CDC42SE2: variants seen among roughly 807,000 people sequenced by gnomAD.
CDC42SE2 encodes the protein CDC42 small effector 2, also known as CDC42 small effector protein 2.
Under a neutral mutation model 11.5 loss-of-function variants are expected in CDC42SE2, and 3 were observed. That is an observed-to-expected ratio of 0.26 (90% CI 0.12 to 0.67). The LOEUF is 0.67. CDC42SE2 is among the 30% of genes least tolerant of loss of function. The probability of loss-of-function intolerance (pLI) is 0.80; values close to 1 mark genes in which losing one functional copy is unlikely to be tolerated. For missense variants in CDC42SE2, 82 were observed against 106.8 expected, an observed-to-expected ratio of 0.77 and a Z score of 1.02; for synonymous variants, 33 against 34.8, an observed-to-expected ratio of 0.95 and a Z score of 0.18.
At chr5:131,291,776 A>G (rs912269213) in intron 1 of CDC42SE2, among the ~76,000 whole-genome samples, 2 of 152,144 alleles carry the variant, frequency 1.3e-5, no homozygotes, top group Admixed American at 6.5e-5. Flanking sequence ...TGATATAACA[A>G]ACACCACCCG....
chr5:131,338,540 C>T (rs574052421), intron 2 of CDC42SE2, among the ~76,000 whole-genome samples: 5 of 152,146 alleles, frequency 3.3e-5, no homozygotes, highest in Admixed American at 3.3e-4. Context: ...GAGCCCCATC[C>T]TGTTGGCAAA....
intron 1 of CDC42SE2, among the ~76,000 whole-genome samples, chr5:131,287,643 T>G (rs542581727): frequency 3.7e-4 from 56 of 151,902 alleles, no homozygotes; most frequent in African/African-American, 1.2e-3. Flanking sequence ...TTCTTTTTTT[T>G]TGCATTTTTT....
At chr5:131,376,636 C>T (rs909875494) in intron 3 of CDC42SE2, among the ~76,000 whole-genome samples, 2 of 151,968 alleles carry the variant, frequency 1.3e-5, no homozygotes, top group African/African-American at 4.8e-5. Context: ...GTTTTTTGAT[C>T]CTCTCCCTCC....
intron 1 of CDC42SE2, among the ~76,000 whole-genome samples, chr5:131,291,143 G>C (rs927826548): frequency 6.6e-6 from 1 of 152,074 alleles, no homozygotes; most frequent in African/African-American, 2.4e-5. Context: ...ATGCTATTTG[G>C]TTAGCCATGT....
At chr5:131,373,869 G>A (rs1052637647) in intron 3 of CDC42SE2, among the ~76,000 whole-genome samples, 3 of 152,132 alleles carry the variant, frequency 2.0e-5, no homozygotes, top group Non-Finnish European at 4.4e-5. Context: ...CTGAAATAAA[G>A]TAGTGCATGA....
intron 1 of CDC42SE2, among the ~76,000 whole-genome samples, chr5:131,312,968 C>G (rs1231217571): frequency 6.6e-6 from 1 of 151,808 alleles, no homozygotes; most frequent in East Asian, 1.9e-4. Flanking sequence ...CTCCTCCTCC[C>G]TTTTCTTTTT....
intron 3 of CDC42SE2, among the ~76,000 whole-genome samples, chr5:131,362,073 CCTCACCTAT>C (rs1323290352): frequency 6.6e-6 from 1 of 152,086 alleles, no homozygotes; most frequent in Non-Finnish European, 1.5e-5. Context: ...GAGTGCCTGT[CCTCACCTAT>C]GTTTGTCCGT....
upstream of CDC42SE2, among the ~76,000 whole-genome samples, chr5:131,263,129 G>T (rs1561563773): frequency 1.3e-5 from 2 of 149,428 alleles, no homozygotes; most frequent in Non-Finnish European, 3.0e-5. Context: ...TAGAGACAGG[G>T]TCTCGCTATG....
At chr5:131,329,508 G>A (rs930444885) in intron 2 of CDC42SE2, among the ~76,000 whole-genome samples, 4 of 152,006 alleles carry the variant, frequency 2.6e-5, no homozygotes, top group African/African-American at 7.3e-5. Flanking sequence ...AGATTTCCTC[G>A]AAGCACATAA....
At chr5:131,321,849 T>C (rs1464230580) in intron 2 of CDC42SE2, among the ~76,000 whole-genome samples, 16 of 152,174 alleles carry the variant, frequency 1.1e-4, no homozygotes, top group Non-Finnish European at 5.9e-5. Flanking sequence ...AAATGTTTTT[T>C]TTGTTTTGTT....
At chr5:131,333,507 G>C (rs1429963546) in intron 2 of CDC42SE2, among the ~76,000 whole-genome samples, 1 of 152,176 alleles carries the variant, frequency 6.6e-6, no homozygotes, top group Non-Finnish European at 1.5e-5. Context: ...TGTGAAGAAA[G>C]GCATTGGTAG....
intron 1 of CDC42SE2, among the ~76,000 whole-genome samples, chr5:131,286,070 G>A (rs1467340017): frequency 7.2e-6 from 1 of 139,134 alleles, no homozygotes; most frequent in South Asian, 2.3e-4. Context: ...TTTTTTGGTT[G>A]GGGGGACAGG....
At chr5:131,373,804 G>A (rs146986753) in intron 3 of CDC42SE2, among the ~76,000 whole-genome samples, 7 of 152,250 alleles carry the variant, frequency 4.6e-5, no homozygotes, top group East Asian at 3.9e-4. Context: ...AAGGAAGCGA[G>A]AGAGAGAAGG....
At chr5:131,299,259 A>G (rs1401606683) in intron 1 of CDC42SE2, among the ~76,000 whole-genome samples, 1 of 152,210 alleles carries the variant, frequency 6.6e-6, no homozygotes, top group African/African-American at 2.4e-5. Flanking sequence ...TTTTAGAAGT[A>G]TCATTCTAGC....
Position 131,294,762 on chromosome 5 carries a change from C to T in CDC42SE2, c.-454-21214C>T, listed in dbSNP as rs1390112154. Among the ~76,000 whole-genome samples, 5 of 152,192 alleles carry T rather than the reference C, an allele frequency of 3.3e-5. No individual in the cohort carries two copies. The East Asian group carries it at 5.8e-4, about 18-fold the overall frequency. On this transcript the variant is annotated intron_variant, in intron 1 of 4. Coordinates refer to ENST00000505065, the MANE Select transcript of CDC42SE2 (RefSeq NM_001375635.1). ...ATTCCAGCCCTTTGGGAGGCTGAGG[C>T]GGGCAGATCACTTGAGGTCAGGAGT...
intron 1 of CDC42SE2, among the ~76,000 whole-genome samples, chr5:131,268,029 A>G (rs1756906999): frequency 7.0e-6 from 1 of 143,502 alleles, no homozygotes; most frequent in African/African-American, 2.5e-5. Context: ...GAGGAACTTG[A>G]GAGAAGTACA....
At chr5:131,357,888 T>G (rs1749598050) in intron 2 of CDC42SE2, among the ~76,000 whole-genome samples, 1 of 152,242 alleles carries the variant, frequency 6.6e-6, no homozygotes, top group Non-Finnish European at 1.5e-5. Flanking sequence ...CTGTGTTTGC[T>G]GCACAGTCTA....
chr5:131,326,485 T>C (rs1758305029), intron 2 of CDC42SE2, among the ~76,000 whole-genome samples: 1 of 152,234 alleles, frequency 6.6e-6, no homozygotes, highest in Non-Finnish European at 1.5e-5. Context: ...TCTGTGTATA[T>C]GCTATGTGCT....
intron 2 of CDC42SE2, among the ~76,000 whole-genome samples, chr5:131,347,373 C>G (rs1041258863): frequency 5.3e-5 from 8 of 152,266 alleles, no homozygotes; most frequent in African/African-American, 1.9e-4. Context: ...ATAAACACCT[C>G]TATGCAAATA....
Sources: allele counts gnomAD v4.1 joint callset (sites outside exome capture counted in the v4.1 genomes callset), GRCh38; gene constraint gnomAD v4.1.1; transcripts MANE v1.5; gene names NCBI Gene and HGNC (gene_info 2026-07-23, HGNC 2026-07-21).